Variants in MSN observed in about 807,000 individuals in gnomAD.
The protein encoded by MSN is epididymis luminal protein 70.
In MSN, 2 loss-of-function variants were observed where a neutral mutation model predicts 48.0. The observed-to-expected ratio is 0.04, with a 90% CI of 0.02 to 0.13. The LOEUF (loss-of-function observed/expected upper bound fraction) is 0.13. MSN is among the 10% of genes least tolerant of loss of function. MSN has a pLI of 1.00. For missense variants in MSN, 267 were observed against 470.1 expected, an observed-to-expected ratio of 0.57 and a Z score of 3.99; for synonymous variants, 146 against 166.9, an observed-to-expected ratio of 0.87 and a Z score of 0.97.
At chrX:65,735,088 G>A (rs146231371) in intron 7 of MSN, among the ~76,000 whole-genome samples, 179 bp from the exon 8 acceptor site, 3 of 112,283 alleles carry the variant, frequency 2.7e-5, no homozygotes, top group African/African-American at 3.2e-5. Flanking sequence ...TCTTGGGTCT[G>A]TCTACTGTCT....
Position 65,588,956 on chromosome X carries a change from C to T in MSN, c.-22+344C>T, listed in dbSNP as rs369547472. 7.1e-4 allele frequency: 98 copies of T among 137,517 alleles called. 1 individual carries two copies. In the South Asian group the frequency reaches 0.014, roughly 19 times the overall value. The allele number at this position is 137,517 out of a possible 1,213,427, so 11.3% of individuals were successfully genotyped here. On this transcript the variant is annotated intron_variant, in intron 1 of 3. Coordinates refer to the MSN transcript ENST00000609672. ...AGAGACTCACAGAGGCTGCTAGTGC[C>T]GATGCTGCTGGTGCTGCTGCTGAGG...
chrX:65,730,420 G>T (rs1455499883), intron 4 of MSN, among the ~76,000 whole-genome samples: 1 of 111,106 alleles, frequency 9.0e-6, no homozygotes, highest in Non-Finnish European at 1.9e-5. Context: ...TAGTCTTTTG[G>T]ATTAGAAGGA....
chrX:65,679,428 G>C (rs774730784), intron 1 of MSN, among the ~76,000 whole-genome samples: 1 of 111,726 alleles, frequency 9.0e-6, no homozygotes, highest in African/African-American at 3.3e-5. Flanking sequence ...GCCCTTGGAC[G>C]GGGAGAGCTA....
In MSN at chrX:65,619,497, C is replaced by A. The variant is rs1165884104; in HGVS notation, c.-22+30885C>A. Among the ~76,000 whole-genome samples the A allele has an allele frequency of 6.0e-5, 6 of 99,382 alleles. No homozygotes were observed. In the East Asian group the frequency reaches 1.7e-3, roughly 28 times the overall value. 86.3% of individuals were successfully genotyped at this position (99,382 alleles called of 115,157 possible). A position where few individuals can be genotyped will look rare whatever the true frequency, so the allele number is the denominator to read the frequency against. On this transcript the variant is annotated intron_variant, in intron 1 of 3. Coordinates refer to the MSN transcript ENST00000609672. ...TGATACCCTTTCTTCCAGTTGATCG[C>A]ATCGGCTCCTGAGGCTTCTGCATTC...
At chrX:65,651,316 T>TAAAA (rs202012665) in intron 1 of MSN, among the ~76,000 whole-genome samples, 2 of 77,052 alleles carry the variant, frequency 2.6e-5, no homozygotes, top group African/African-American at 4.8e-5. Flanking sequence ...AGACTCTATC[T>TAAAA]AAAAAAAAAA....
chrX:65,736,064 C>A (rs1380325589), intron 8 of MSN, among the ~76,000 whole-genome samples: 1 of 111,972 alleles, frequency 8.9e-6, no homozygotes, highest in Non-Finnish European at 1.9e-5. Context: ...TTAGGGCAGG[C>A]AGTGTTAGAC....
At chrX:65,653,748 T>C (rs1336615037) in intron 1 of MSN, among the ~76,000 whole-genome samples, 1 of 110,319 alleles carries the variant, frequency 9.1e-6, no homozygotes, top group Non-Finnish European at 1.9e-5. Context: ...CACATACACA[T>C]AGCTATGACC....
At chrX:65,634,257 C>T (rs1466867428) in intron 1 of MSN, among the ~76,000 whole-genome samples, 1 of 111,948 alleles carries the variant, frequency 8.9e-6, no homozygotes, top group Non-Finnish European at 1.9e-5. Context: ...GCTTTAGAGG[C>T]CCTAGAAGAG....
intron 1 of MSN, among the ~76,000 whole-genome samples, chrX:65,616,920 T>C (rs972625640): frequency 2.7e-5 from 3 of 110,414 alleles, no homozygotes; most frequent in Non-Finnish European, 5.7e-5. Flanking sequence ...GCATGAAGAG[T>C]TGTTGAATTT....
chrX:65,660,179 A>G (rs2070811300), intron 1 of MSN, among the ~76,000 whole-genome samples: 1 of 111,986 alleles, frequency 8.9e-6, no homozygotes, highest in Admixed American at 9.5e-5. Context: ...CTAGCTATTG[A>G]CCATAATCAC....
intron 1 of MSN, among the ~76,000 whole-genome samples, chrX:65,699,519 G>T (rs56101841): frequency 9.0e-6 from 1 of 111,432 alleles, no homozygotes; most frequent in Non-Finnish European, 1.9e-5. Context: ...GGAGGCCGAG[G>T]CGGGTGGATC....
At chrX:65,708,918 G>A (rs747005054) in intron 1 of MSN, among the ~76,000 whole-genome samples, 6 of 111,849 alleles carry the variant, frequency 5.4e-5, no homozygotes, top group African/African-American at 1.6e-4. Context: ...CCTGACTTCA[G>A]GTGATCTGCC....
At chrX:65,726,862 G>A (rs2071572826) in intron 2 of MSN, among the ~76,000 whole-genome samples, 1 of 111,354 alleles carries the variant, frequency 9.0e-6, no homozygotes, top group South Asian at 3.8e-4. Context: ...CATCGACAGT[G>A]GTGGGTATGC....
intron 1 of MSN, among the ~76,000 whole-genome samples, chrX:65,598,990 C>T (rs763915837): frequency 8.9e-6 from 1 of 111,830 alleles, no homozygotes; most frequent in African/African-American, 3.2e-5. Flanking sequence ...AAACAACAAC[C>T]AAAATTTTAG....
Position 65,652,637 on chromosome X carries a change from C to G in MSN, c.-22+64025C>G, listed in dbSNP as rs143064682. 1.6e-3 allele frequency among the ~76,000 whole-genome samples: 174 copies of G among 111,390 alleles called. 1 individual carries two copies. The highest frequency in any genetic ancestry group is 5.1e-3 in the African/African-American group (156 of 30,651). ...TCTCAGCTTCTATTTTCAGATGTCC[C>G]CCAAAGCAACAGGAGCATGGGATCA... On this transcript the variant is annotated intron_variant, in intron 1 of 3. Coordinates refer to the MSN transcript ENST00000609672.
intron 1 of MSN, among the ~76,000 whole-genome samples, chrX:65,704,230 G>T (rs1035295969): frequency 1.8e-5 from 2 of 112,375 alleles, no homozygotes; most frequent in Non-Finnish European, 3.8e-5. Context: ...CCGGATAGGG[G>T]CTTTGCCCAT....
At chrX:65,642,509 G>C in intron 1 of MSN, among the ~76,000 whole-genome samples, 1 of 111,767 alleles carries the variant, frequency 8.9e-6, no homozygotes, top group Non-Finnish European at 1.9e-5. Flanking sequence ...TCATAGACAA[G>C]TCACACAAAC....
chrX:65,681,159 C>A (rs960271706), intron 1 of MSN, among the ~76,000 whole-genome samples: 1 of 111,373 alleles, frequency 9.0e-6, no homozygotes, highest in African/African-American at 3.3e-5. Flanking sequence ...TCATCTCCCC[C>A]CCACTCCATG....
At chrX:65,627,337 A>G (rs914208922) in intron 1 of MSN, among the ~76,000 whole-genome samples, 2 of 111,059 alleles carry the variant, frequency 1.8e-5, no homozygotes, top group African/African-American at 3.3e-5. Context: ...TGATAAAGAC[A>G]TACCTGAGAC....
Sources: gnomAD v4.1 joint callset for allele counts (sites outside exome capture counted in the v4.1 genomes callset) on GRCh38, gnomAD v4.1.1 for gene constraint, MANE v1.5 for transcripts, NCBI Gene and HGNC (gene_info 2026-07-23, HGNC 2026-07-21) for gene names.